The following PPIP5K2 variants were observed in gnomAD, a reference collection of about 807,000 sequenced individuals.
PPIP5K2 encodes the protein diphosphoinositol pentakisphosphate kinase 2, also known as inositol hexakisphosphate and diphosphoinositol-pentakisphosphate kinase 2.
A neutral mutation model predicts 154.6 loss-of-function variants in PPIP5K2; 105 were observed. The ratio of observed to expected loss-of-function variants is 0.68; its 90% CI spans 0.58 to 0.80. The LOEUF (loss-of-function observed/expected upper bound fraction) is 0.80, where lower values mean the gene tolerates loss of function less well. PPIP5K2 is among the 30% of genes least tolerant of loss of function. PPIP5K2 has a pLI of 0.00. For synonymous variants in PPIP5K2, 480 were observed against 490.3 expected, an observed-to-expected ratio of 0.98 and a Z score of 0.28; for missense variants, 992 against 1,504.6, an observed-to-expected ratio of 0.66 and a Z score of 5.64.
intron 21 of PPIP5K2, among the ~76,000 whole-genome samples, chr5:103,174,728 G>A (rs1798447353): frequency 6.6e-6 from 1 of 152,082 alleles, no homozygotes; most frequent in African/African-American, 2.4e-5. Flanking sequence ...TCTCTTGGTT[G>A]AGGCAATCAC....
Position 103,140,691 on chromosome 5 carries a change from GC to G in PPIP5K2, c.487+2224del, listed in dbSNP as rs544310161. On this transcript the variant is annotated intron_variant, in intron 5 of 30. Coordinates refer to ENST00000358359, the MANE Select transcript of PPIP5K2 (RefSeq NM_001276277.3). ...TCTCTACTAAAAATACAAAAAATTA[GC>G]CGGGCGCAGTGGCGGGCGCCTGTAG... is the stretch of plus-strand genomic sequence containing the variant. Among the ~76,000 whole-genome samples the G allele has an allele frequency of 4.7e-3, 713 of 151,766 alleles. 6 individuals are homozygous for G. Among genetic ancestry groups the G allele is most frequent in the African/African-American group, 0.015 (631 of 41,414 alleles).
In PPIP5K2 at chr5:103,182,036, A is replaced by C. The variant is rs114717908; in HGVS notation, c.2923-1198A>C. ...GTTATAACTTAATGGAAAAAATGAA[A>C]AATCTGGGATTATGTTCAGGTATCC... On this transcript the variant is annotated intron_variant, in intron 24 of 30. Transcript: ENST00000358359. Among the ~76,000 whole-genome samples the C allele has an allele frequency of 2.5e-3, 380 of 152,302 alleles. 1 individual carries two copies. Among genetic ancestry groups the C allele is most frequent in the African/African-American group, 8.8e-3 (365 of 41,568 alleles).
At chr5:103,131,044 C>T (rs572538614) in intron 2 of PPIP5K2, among the ~76,000 whole-genome samples, 40 of 152,198 alleles carry the variant, frequency 2.6e-4, no homozygotes, top group Non-Finnish European at 4.3e-4. Flanking sequence ...TTTTGGGATA[C>T]CTTGTGAATT....
chr5:103,181,004 T>G (rs558714599), intron 24 of PPIP5K2, among the ~76,000 whole-genome samples: 209 of 152,146 alleles, frequency 1.4e-3, no homozygotes, highest in African/African-American at 4.8e-3. Flanking sequence ...AATAAAAAAT[T>G]TTACCTTTAT....
At chr5:103,183,176 CTTTTTTTTTTTTTTTTT>C (rs781952635) in intron 24 of PPIP5K2, 41 bp from the exon 25 acceptor site, 100 of 539,188 alleles carry the variant, frequency 1.9e-4, no homozygotes, top group South Asian at 7.6e-4. Flanking sequence ...GCATGCTCTG[CTTTTTTTTTTTTTTTTT>C]TTTTTTTTTT....
intron 8 of PPIP5K2, among the ~76,000 whole-genome samples, chr5:103,150,843 CTTTTTTT>C (rs377739666): frequency 4.4e-5 from 3 of 68,100 alleles, no homozygotes; most frequent in South Asian, 7.1e-4. Flanking sequence ...GTCCATCCTC[CTTTTTTT>C]TTTTTTTTTT....
chr5:103,155,913 G>A lies in PPIP5K2; in HGVS notation c.1408G>A (p.Gly470Ser), dbSNP rs1795352745. Residue 470 changes from glycine to serine, a missense_variant, in exon 14 of 31, where the codon GGT becomes AGT. Coordinates refer to ENST00000358359, the MANE Select transcript of PPIP5K2 (RefSeq NM_001276277.3). ...GTTTATCATTTTATTTTTCAGGTATGGTCATTTTTCTGGAATAAATCGTAA... is the reference window on the plus strand; with the variant it reads ...GTTTATCATTTTATTTTTCAGGTATAGTCATTTTTCTGGAATAAATCGTAA... ...EQLKTVLEMY[G>S]HFSGINRKVQ... 2.5e-6 allele frequency: 4 copies of A among 1,586,462 alleles called. No homozygotes were observed. The highest frequency in any genetic ancestry group is 1.7e-5 in the Admixed American group (1 of 59,882).
chr5:103,156,359 A>G (rs1795417279), intron 14 of PPIP5K2, among the ~76,000 whole-genome samples: 4 of 152,204 alleles, frequency 2.6e-5, no homozygotes, highest in Admixed American at 2.6e-4. Context: ...AAGTACAAAA[A>G]GACTTTGAAA....
At chr5:103,199,823 A>T (rs1261553277) in intron 30 of PPIP5K2, among the ~76,000 whole-genome samples, 1 of 151,108 alleles carries the variant, frequency 6.6e-6, no homozygotes, top group Non-Finnish European at 1.5e-5. Flanking sequence ...TTTTGCAGGG[A>T]TTTTTCTCTT....
At chr5:103,179,393 T>G (rs1799171841) in intron 23 of PPIP5K2, among the ~76,000 whole-genome samples, 2 of 152,048 alleles carry the variant, frequency 1.3e-5, no homozygotes. Flanking sequence ...ATCTTATAGT[T>G]GGATATTTGA....
rs1789621090 is a variant in PPIP5K2, at chr5:103,126,084, C to G, written c.-284-3222C>G. Among the ~76,000 whole-genome samples the G allele has an allele frequency of 2.0e-5, 3 of 152,254 alleles. No individual in the cohort carries two copies. In the South Asian group the frequency reaches 6.2e-4, roughly 32 times the overall value. ...ATACTTCTGCTTTAGAGGCTTTATA[C>G]TTGATGTTTCTTACCTGGAATGTTC... is the stretch of plus-strand genomic sequence containing the variant. On this transcript the variant is annotated intron_variant, in intron 1 of 30. Transcript: ENST00000358359.
In PPIP5K2 at chr5:103,129,666, A is replaced by G; in HGVS notation, c.77A>G (p.His26Arg). 6.2e-7 allele frequency: 1 copy of G among 1,609,442 alleles called. No homozygotes were observed. Among genetic ancestry groups the G allele is most frequent in the Non-Finnish European group, 8.5e-7 (1 of 1,178,462 alleles). ...CCTGGAAATTATCGACATTTCTTCCACCATGCAGATGAAGACGATGAGGAG... is the reference window on the plus strand; with the variant it reads ...CCTGGAAATTATCGACATTTCTTCCGCCATGCAGATGAAGACGATGAGGAG... ...INPGNYRHFFHHADEDDEEED... is the reference protein window; with the variant it reads ...INPGNYRHFFRHADEDDEEED... The change falls in exon 2 of 31, where the codon CAC becomes CGC. Residue 26 changes from histidine to arginine, a missense_variant. Coordinates refer to ENST00000358359, the MANE Select transcript of PPIP5K2 (RefSeq NM_001276277.3).
intron 1 of PPIP5K2, 138 bp from the exon 2 acceptor site, chr5:103,129,168 A>T (rs1790212806): frequency 6.6e-6 from 1 of 152,282 alleles, no homozygotes; most frequent in African/African-American, 2.4e-5. Context: ...TAATTTTCTT[A>T]TGGGAGAAAA....
intron 4 of PPIP5K2, among the ~76,000 whole-genome samples, chr5:103,137,273 C>T (rs1274829793): frequency 6.6e-6 from 1 of 151,760 alleles, no homozygotes; most frequent in Non-Finnish European, 1.5e-5. Flanking sequence ...CGCCATTCTC[C>T]TGCCTCAGCC....
Position 103,168,095 on chromosome 5 carries a change from A to G in PPIP5K2, c.2086A>G (p.Thr696Ala). ...AGATATTCAGCTTTACCATAGTGAA[A>G]CATTGGAGCTTATGCTACGTAGATG... is the stretch of plus-strand genomic sequence containing the variant. ...SSDIQLYHSE[T>A]LELMLRRWSK... Residue 696 changes from threonine to alanine, a missense_variant, in exon 19 of 31, where the codon ACA becomes GCA. Physicochemically the swap from Thr to Ala is moderately conservative, Grantham distance 58. This residue lies in a region of PPIP5K2 where 157 missense variants were observed against 281.2 expected (regional missense o/e 0.56). Transcript: ENST00000358359. 1 of 1,606,890 alleles carries G rather than the reference A, an allele frequency of 6.2e-7. No homozygotes were observed. Among genetic ancestry groups the G allele is most frequent in the East Asian group, 2.2e-5 (1 of 44,592 alleles).
rs1798932672 is a variant in PPIP5K2, at chr5:103,177,765, T to C, written c.2628T>C (p.Asp876=). The C allele has an allele frequency of 1.9e-6, 3 of 1,609,144 alleles. No individual in the cohort carries two copies. Among genetic ancestry groups the C allele is most frequent in the Non-Finnish European group, 2.5e-6 (3 of 1,176,514 alleles). Residue 876 remains aspartate (D), a synonymous_variant, in exon 22 of 31, where the codon GAT becomes GAC. Coordinates refer to ENST00000358359, the MANE Select transcript of PPIP5K2 (RefSeq NM_001276277.3). ...AGATTGTTATCATGCTTTATGAGGA[T>C]CCTAATAAGGTAAACAGAGCTCTTG... is the stretch of plus-strand genomic sequence containing the variant. ...MTQIVIMLYE[D]PNKDLSSEER...
chr5:103,160,587 T>A (rs1364113796), intron 17 of PPIP5K2, among the ~76,000 whole-genome samples: 1 of 152,212 alleles, frequency 6.6e-6, no homozygotes, highest in African/African-American at 2.4e-5. Flanking sequence ...AAAATTAGAC[T>A]TTGCAGTCCA....
chr5:103,168,017 A>G (rs1441760291), intron 18 of PPIP5K2, 55 bp from the exon 19 acceptor site: 5 of 1,093,732 alleles, frequency 4.6e-6, no homozygotes, highest in South Asian at 4.4e-5. Flanking sequence ...ATATTAATAT[A>G]TATTCTAAAT....
At chr5:103,177,102 C>T (rs187427) in intron 21 of PPIP5K2, among the ~76,000 whole-genome samples, 44,779 of 151,552 alleles carry the variant, frequency 0.3, 6,785 homozygotes, top group East Asian at 0.45. Flanking sequence ...ACTTTGGAAC[C>T]TGACAAAGTT....
Sources: gnomAD v4.1 joint callset for allele counts (sites outside exome capture counted in the v4.1 genomes callset) on GRCh38, gnomAD v4.1.1 for gene constraint, gnomAD v4.1.1 regional missense constraint, MANE v1.5 for transcripts, NCBI Gene and HGNC (gene_info 2026-07-23, HGNC 2026-07-21) for gene names.